The following GPR63 variants were observed in gnomAD, a reference collection of about 807,000 sequenced individuals.
GPR63 encodes probable G protein-coupled receptor 63.
Under a neutral mutation model 23.1 loss-of-function variants are expected in GPR63, and 12 were observed. The observed-to-expected ratio is 0.52, with a 90% CI of 0.33 to 0.84. The LOEUF is 0.84. GPR63 is among the 40% of genes least tolerant of loss of function. The pLI is 0.02. For missense variants in GPR63, 472 were observed against 515.6 expected (o/e 0.92, Z 0.82); for synonymous variants, 172 against 191.1 (o/e 0.90, Z 0.82).
At chr6:96,816,323 C>CA (rs1774163246) in intron 1 of GPR63, among the ~76,000 whole-genome samples, 2 of 152,046 alleles carry the variant, frequency 1.3e-5, no homozygotes, top group South Asian at 4.1e-4. Flanking sequence ...GTTGATACTC[C>CA]ACCAATGGGA....
chr6:96,818,139 T>C (rs1003096247), intron 1 of GPR63, among the ~76,000 whole-genome samples: 2 of 151,944 alleles, frequency 1.3e-5, no homozygotes, highest in Non-Finnish European at 2.9e-5. Flanking sequence ...AGATCCCTTA[T>C]AGCCAGAGTA....
At chr6:96,822,379 G>A (rs966394849) in intron 1 of GPR63, among the ~76,000 whole-genome samples, 4 of 152,090 alleles carry the variant, frequency 2.6e-5, no homozygotes, top group East Asian at 1.9e-4. Context: ...CGAAAAAAAG[G>A]TTCTAAAGGT....
intron 1 of GPR63, among the ~76,000 whole-genome samples, chr6:96,803,878 G>C (rs1229292099): frequency 1.3e-5 from 2 of 152,208 alleles, no homozygotes; most frequent in Non-Finnish European, 2.9e-5. Context: ...ATCTCGACTA[G>C]TCTTTATTTG....
At chr6:96,813,164 AAAT>A (rs1471353146) in intron 1 of GPR63, among the ~76,000 whole-genome samples, 2 of 152,100 alleles carry the variant, frequency 1.3e-5, no homozygotes, top group African/African-American at 4.8e-5. Context: ...ATATTGCTGC[AAAT>A]AACATGCTTT....
At chr6:96,819,583 T>C (rs1398448143) in intron 1 of GPR63, among the ~76,000 whole-genome samples, 1 of 151,760 alleles carries the variant, frequency 6.6e-6, no homozygotes, top group Non-Finnish European at 1.5e-5. Context: ...GCTTAAAACC[T>C]AAATGGGGGT....
At chr6:96,828,466 G>C (rs968319454) in intron 1 of GPR63, among the ~76,000 whole-genome samples, 14 of 150,760 alleles carry the variant, frequency 9.3e-5, no homozygotes, top group African/African-American at 3.4e-4. Context: ...ATTAACTTTA[G>C]ACTAGAAAGA....
chr6:96,824,994 C>T (rs1273717037), intron 1 of GPR63, among the ~76,000 whole-genome samples: 1 of 152,126 alleles, frequency 6.6e-6, no homozygotes, highest in East Asian at 1.9e-4. Flanking sequence ...TGGATTTTCT[C>T]TCAAACCAAA....
At chr6:96,816,980 C>T (rs548096030) in intron 1 of GPR63, among the ~76,000 whole-genome samples, 1 of 152,148 alleles carries the variant, frequency 6.6e-6, no homozygotes, top group African/African-American at 2.4e-5. Context: ...ATTTTTAAGG[C>T]ACAAACAGGA....
chr6:96,807,945 C>T (rs1015658363), intron 1 of GPR63, among the ~76,000 whole-genome samples: 1 of 152,154 alleles, frequency 6.6e-6, no homozygotes, highest in African/African-American at 2.4e-5. Flanking sequence ...TCCAAGGTCA[C>T]ATGACTAATA....
intron 1 of GPR63, among the ~76,000 whole-genome samples, chr6:96,807,179 A>T (rs1336522979): frequency 2.6e-5 from 4 of 152,376 alleles, no homozygotes; most frequent in Middle Eastern, 6.8e-3. Context: ...GGCAGACAAG[A>T]TGACCTATTC....
chr6:96,805,575 A>C (rs1214502163), intron 1 of GPR63, among the ~76,000 whole-genome samples: 1 of 152,104 alleles, frequency 6.6e-6, no homozygotes, highest in African/African-American at 2.4e-5. Flanking sequence ...GGCTCATTAC[A>C]ACTCCCACTC....
chr6:96,809,621 C>G (rs989559851), intron 1 of GPR63, among the ~76,000 whole-genome samples: 1 of 152,154 alleles, frequency 6.6e-6, no homozygotes, highest in African/African-American at 2.4e-5. Flanking sequence ...TCTCTTCCTT[C>G]AAATCCATAG....
rs1168983757 is a variant in GPR63, at chr6:96,801,207, T to C, written c.-150-1326A>G. Reference sequence around the variant, plus strand: ...CATTATTTCGACTTAGAATCAGTCATTGATTTTTTTTTTTTTTTTCCAGAC... The same window carrying C: ...CATTATTTCGACTTAGAATCAGTCACTGATTTTTTTTTTTTTTTTCCAGAC... On this transcript the variant is annotated intron_variant, in intron 1 of 1. Transcript: ENST00000229955. Among the ~76,000 whole-genome samples the C allele has an allele frequency of 8.2e-5, 11 of 134,038 alleles. No homozygotes were observed. In the Admixed American group the frequency reaches 8.6e-4, roughly 11 times the overall value. 87.9% of individuals were successfully genotyped at this position (134,038 alleles called of 152,430 possible). A position where few individuals can be genotyped will look rare whatever the true frequency, so the allele number is the denominator to read the frequency against.
Position 96,799,210 on chromosome 6 carries a change from G to C in GPR63, c.522C>G (p.Ile174Met), listed in dbSNP as rs772567550. 5.6e-6 allele frequency: 9 copies of C among 1,614,052 alleles called. No individual in the cohort carries two copies. The highest frequency in any genetic ancestry group is 7.6e-6 in the Non-Finnish European group (9 of 1,180,038). Residue 174 changes from isoleucine (I) to methionine (M), a missense_variant, in exon 2 of 2, where the codon ATC becomes ATG. Transcript: ENST00000229955. ...TAATAAGGAACCTATCTATGCTAAT[G>C]ATGAGCAGGATGGCTACTCCTTCTA... ...FVIEGVAILL[I>M]ISIDRFLIIV...
intron 1 of GPR63, among the ~76,000 whole-genome samples, chr6:96,818,409 G>A (rs995673308): frequency 1.3e-5 from 2 of 151,932 alleles, no homozygotes; most frequent in East Asian, 3.9e-4. Context: ...GTTGCAATGA[G>A]CTAAGATCGC....
chr6:96,794,642 T>A lies in GPR63; in HGVS notation c.*3830A>T, dbSNP rs533083370. 3 of 152,352 alleles carry A rather than the reference T, an allele frequency of 2.0e-5. No homozygotes were observed. The highest frequency in any genetic ancestry group is 4.4e-5 in the Non-Finnish European group (3 of 68,034). 9.4% of individuals were successfully genotyped at this position (152,352 alleles called of 1,614,324 possible). On this transcript the variant is annotated 3_prime_UTR_variant, in exon 2 of 2. Transcript: ENST00000229955. ...AAAGGTTATTTTTATTTTACTTCAA[T>A]GCTTGCATTGAACACAACTGGCAGA...
chr6:96,809,245 C>T (rs1485448152), intron 1 of GPR63, among the ~76,000 whole-genome samples: 2 of 152,122 alleles, frequency 1.3e-5, no homozygotes, highest in Admixed American at 6.6e-5. Context: ...CTAGGAGAAT[C>T]CTGCTATCTT....
rs1186970817 is a variant in GPR63, at chr6:96,796,395, A to G, written c.*2077T>C. The stretch of plus-strand genomic sequence containing the variant: ...TTCCACTGGCTCACAAAACACTAAC[A>G]TCCTGAAAAGATGCTATAAATCCAC... On this transcript the variant is annotated 3_prime_UTR_variant, in exon 2 of 2. Transcript: ENST00000229955. 1 of 152,186 alleles carries G rather than the reference A, an allele frequency of 6.6e-6. No individual in the cohort carries two copies. The highest frequency in any genetic ancestry group is 1.5e-5 in the Non-Finnish European group (1 of 68,030). 9.4% of individuals were successfully genotyped at this position (152,186 alleles called of 1,614,324 possible).
intron 1 of GPR63, among the ~76,000 whole-genome samples, chr6:96,812,053 A>G (rs1185048574): frequency 6.6e-6 from 1 of 152,068 alleles, no homozygotes; most frequent in South Asian, 2.1e-4. Context: ...AAACAAACCA[A>G]AAAGGAATAT....
Sources: gnomAD v4.1 joint callset for allele counts (sites outside exome capture counted in the v4.1 genomes callset) on GRCh38, gnomAD v4.1.1 for gene constraint, MANE v1.5 for transcripts, NCBI Gene and HGNC (gene_info 2026-07-23, HGNC 2026-07-21) for gene names.